CNTN4: variants seen among roughly 807,000 people sequenced by gnomAD.
CNTN4 encodes contactin 4.
In CNTN4, 77 loss-of-function variants were observed where a neutral mutation model predicts 122.5. That is an observed-to-expected ratio of 0.63 (90% CI 0.52 to 0.76). The LOEUF (loss-of-function observed/expected upper bound fraction) is 0.76, where lower values mean the gene tolerates loss of function less well. Among genes scored for constraint, CNTN4 ranks in the 30% least tolerant of loss-of-function variants. CNTN4 has a pLI of 0.00. For missense variants in CNTN4, 1,256 were observed against 1,259.1 expected (o/e 1.00, Z 0.04); for synonymous variants, 512 against 447.0 (o/e 1.15, Z -1.83).
At chr3:2,409,974 C>T (rs2047173272) in intron 3 of CNTN4, among the ~76,000 whole-genome samples, 1 of 151,990 alleles carries the variant, frequency 6.6e-6, no homozygotes, top group South Asian at 2.1e-4. Context: ...AAAGATTCTA[C>T]TGGGTCATTA....
chr3:2,268,922 A>T (rs1006372495), intron 2 of CNTN4, among the ~76,000 whole-genome samples: 1 of 152,044 alleles, frequency 6.6e-6, no homozygotes, highest in Non-Finnish European at 1.5e-5. Flanking sequence ...TGTGGGGAGA[A>T]GGAATTAGGT....
At chr3:2,681,139 C>T (rs753123894) in intron 4 of CNTN4, among the ~76,000 whole-genome samples, 5 of 152,082 alleles carry the variant, frequency 3.3e-5, no homozygotes, top group African/African-American at 4.8e-5. Context: ...AGATACGGCC[C>T]GCCACCCAAG....
rs142784079 is a variant in CNTN4 at position 2,845,923 on chromosome 3, A to C, written c.455-20829A>C. Among the ~76,000 whole-genome samples the C allele has an allele frequency of 4.4e-4, 67 of 152,294 alleles. 2 individuals carry two copies. The East Asian group carries it at 9.3e-3, about 21-fold the overall frequency. On this transcript the variant is annotated intron_variant, in intron 7 of 24. Transcript: ENST00000418658. ...AATAGATGTCAACTAAAGGCAGCTGAGCTAATCAGGTATTTTAATTAATGG... is the reference window on the plus strand; with the variant it reads ...AATAGATGTCAACTAAAGGCAGCTGCGCTAATCAGGTATTTTAATTAATGG...
chr3:2,259,182 T>G (rs1402170019), intron 2 of CNTN4, among the ~76,000 whole-genome samples: 3 of 152,176 alleles, frequency 2.0e-5, no homozygotes, highest in Non-Finnish European at 4.4e-5. Flanking sequence ...CACTTGCTTT[T>G]GCTCATAAGC....
intron 3 of CNTN4, among the ~76,000 whole-genome samples, chr3:2,429,099 A>T (rs2047957885): frequency 1.3e-5 from 2 of 152,144 alleles, no homozygotes; most frequent in South Asian, 2.1e-4. Context: ...GTAATTCTCC[A>T]TCCAGGTTTG....
chr3:2,642,746 A>C (rs2082948254), intron 4 of CNTN4, among the ~76,000 whole-genome samples: 1 of 152,204 alleles, frequency 6.6e-6, no homozygotes, highest in Non-Finnish European at 1.5e-5. Flanking sequence ...TGCACTTAAA[A>C]GATAGATACT....
At chr3:3,020,068 G>A (rs985527406) in intron 14 of CNTN4, among the ~76,000 whole-genome samples, 1 of 152,072 alleles carries the variant, frequency 6.6e-6, no homozygotes, top group Non-Finnish European at 1.5e-5. Context: ...CATGGTGAGT[G>A]CTGAGTTAGC....
chr3:2,165,887 C>G (rs974414245), intron 2 of CNTN4, among the ~76,000 whole-genome samples: 17 of 152,092 alleles, frequency 1.1e-4, no homozygotes, highest in Middle Eastern at 6.8e-3. Flanking sequence ...GAAAAATGTT[C>G]AGCTGTGTGG....
chr3:2,891,339 C>T (rs62234247), intron 10 of CNTN4, among the ~76,000 whole-genome samples: 16,570 of 151,972 alleles, frequency 0.11, 955 homozygotes, highest in South Asian at 0.16. Context: ...CCCAACTACA[C>T]GGGAGGCTGA....
Position 3,026,286 on chromosome 3 carries a change from T to C in CNTN4, c.1662+9T>C. ...TTGAAAGAGTTGGAGGGGTAAGTAT[T>C]AATAGCAAAAACTGACTCAAACTAA... On this transcript the variant is annotated intron_variant, in intron 15 of 24. Coordinates refer to ENST00000418658, the MANE Select transcript of CNTN4 (RefSeq NM_175607.3). The C allele has an allele frequency of 6.2e-7, 1 of 1,611,670 alleles. No homozygotes were observed. Among genetic ancestry groups the C allele is most frequent in the Non-Finnish European group, 8.5e-7 (1 of 1,177,952 alleles).
At chr3:2,247,948 G>A (rs1274328797) in intron 2 of CNTN4, among the ~76,000 whole-genome samples, 4 of 151,744 alleles carry the variant, frequency 2.6e-5, no homozygotes, top group African/African-American at 4.8e-5. Context: ...TACCTACATG[G>A]CTTGTTTTCT....
chr3:2,232,868 G>T (rs2039542371), intron 2 of CNTN4, among the ~76,000 whole-genome samples: 1 of 152,104 alleles, frequency 6.6e-6, no homozygotes, highest in Non-Finnish European at 1.5e-5. Context: ...TAAATGAGAT[G>T]ACTTTATTAT....
intron 6 of CNTN4, among the ~76,000 whole-genome samples, chr3:2,747,609 C>A (rs890661179): frequency 1.3e-5 from 2 of 151,824 alleles, no homozygotes; most frequent in South Asian, 2.1e-4. Flanking sequence ...TTAACCAAAA[C>A]AAAAAACAAA....
chr3:2,730,527 C>T (rs2088603011), intron 4 of CNTN4, among the ~76,000 whole-genome samples: 1 of 152,138 alleles, frequency 6.6e-6, no homozygotes. Flanking sequence ...GATCTACTGC[C>T]TGACTTGGTC....
intron 3 of CNTN4, among the ~76,000 whole-genome samples, chr3:2,408,197 T>A (rs1426801764): frequency 6.6e-6 from 1 of 152,170 alleles, no homozygotes; most frequent in African/African-American, 2.4e-5. Context: ...TGTATTGATA[T>A]CCTGAGACCT....
chr3:2,797,078 GC>G (rs1306535400), intron 6 of CNTN4, among the ~76,000 whole-genome samples: 2 of 152,288 alleles, frequency 1.3e-5, no homozygotes, highest in East Asian at 3.9e-4. Context: ...AAAGCTCACT[GC>G]AGCCTACAAC....
chr3:2,636,658 A>G lies in CNTN4; in HGVS notation c.55+65100A>G, dbSNP rs148307006. ...CTCCTAATATGAACAGTGAAGTCCA[A>G]ATAAGCTTATAAAACCCAAACAAAA... is the stretch of plus-strand genomic sequence containing the variant. On this transcript the variant is annotated intron_variant, in intron 4 of 24. Coordinates refer to ENST00000418658, the MANE Select transcript of CNTN4 (RefSeq NM_175607.3). Among the ~76,000 whole-genome samples, 765 of 152,256 alleles carry G rather than the reference A, an allele frequency of 5.0e-3. 3 individuals are homozygous for G. Among genetic ancestry groups the G allele is most frequent in the African/African-American group, 0.017 (706 of 41,540 alleles).
At chr3:2,251,251 A>G (rs1294895196) in intron 2 of CNTN4, among the ~76,000 whole-genome samples, 1 of 151,914 alleles carries the variant, frequency 6.6e-6, no homozygotes, top group East Asian at 1.9e-4. Flanking sequence ...GATATTAAAT[A>G]TTTGCTACAG....
chr3:2,942,359 T>C (rs2094624335), intron 13 of CNTN4, among the ~76,000 whole-genome samples: 1 of 152,350 alleles, frequency 6.6e-6, no homozygotes, highest in African/African-American at 2.4e-5. Flanking sequence ...CAGGTCTGGT[T>C]GTATCTGTCT....
Sources: allele counts gnomAD v4.1 joint callset (sites outside exome capture counted in the v4.1 genomes callset), GRCh38; gene constraint gnomAD v4.1.1; transcripts MANE v1.5; gene names NCBI Gene and HGNC (gene_info 2026-07-23, HGNC 2026-07-21).